RTN4RL1: variants seen among roughly 807,000 people sequenced by gnomAD.
RTN4RL1 encodes the protein reticulon 4 receptor like 1, also known as reticulon-4 receptor-like 1.
A neutral mutation model predicts 25.6 loss-of-function variants in RTN4RL1; 7 were observed. The ratio of observed to expected loss-of-function variants is 0.27; its 90% CI spans 0.16 to 0.51. The LOEUF (loss-of-function observed/expected upper bound fraction) is 0.51, where lower values mean the gene tolerates loss of function less well. Among genes scored for constraint, RTN4RL1 ranks in the 20% least tolerant of loss-of-function variants. RTN4RL1 has a pLI of 0.97. For missense variants in RTN4RL1, 500 were observed against 615.6 expected, an observed-to-expected ratio of 0.81 and a Z score of 1.99; for synonymous variants, 297 against 288.2, an observed-to-expected ratio of 1.03 and a Z score of -0.31.
At chr17:1,970,521 G>A (rs2066814138) in intron 1 of RTN4RL1, among the ~76,000 whole-genome samples, 1 of 152,186 alleles carries the variant, frequency 6.6e-6, no homozygotes, top group African/African-American at 2.4e-5. Context: ...CAGGTTCCAC[G>A]TGGGAAGGGG....
In RTN4RL1 at chr17:1,959,325, A is replaced by G. The variant is rs190368758; in HGVS notation, c.14-21517T>C. The stretch of plus-strand genomic sequence containing the variant: ...ATCTAATAGTGTCTTCTTCATCCTA[A>G]TCTGCTCACCTTGGCAGCACTGGAC... On this transcript the variant is annotated intron_variant, in intron 1 of 1. Coordinates refer to ENST00000331238, the MANE Select transcript of RTN4RL1 (RefSeq NM_178568.4). 5.9e-5 allele frequency among the ~76,000 whole-genome samples: 9 copies of G among 152,222 alleles called. No homozygotes were observed. In the East Asian group the frequency reaches 1.5e-3, roughly 26 times the overall value.
chr17:1,963,521 C>G (rs1374444931), intron 1 of RTN4RL1, among the ~76,000 whole-genome samples: 1 of 152,244 alleles, frequency 6.6e-6, no homozygotes, highest in Non-Finnish European at 1.5e-5. Flanking sequence ...CCTTCAGGGG[C>G]TCCCTGCTGC....
At chr17:1,977,228 C>G (rs1159230672) in intron 1 of RTN4RL1, among the ~76,000 whole-genome samples, 1 of 152,184 alleles carries the variant, frequency 6.6e-6, no homozygotes, top group Non-Finnish European at 1.5e-5. Flanking sequence ...ACGGGCGAGA[C>G]GCTGGGAAGG....
Position 1,950,313 on chromosome 17 carries a change from G to A in RTN4RL1, c.14-12505C>T, listed in dbSNP as rs541478030. 3.9e-5 allele frequency among the ~76,000 whole-genome samples: 6 copies of A among 152,254 alleles called. No homozygotes were observed. The South Asian group carries it at 1.2e-3, about 32-fold the overall frequency. ...GACGGATCAGGGTGAGGGAGGCGAC[G>A]GGGGTCACGGGGCGGCTTCCCAAGT... is the stretch of plus-strand genomic sequence containing the variant. On this transcript the variant is annotated intron_variant, in intron 1 of 1. Coordinates refer to ENST00000331238, the MANE Select transcript of RTN4RL1 (RefSeq NM_178568.4).
chr17:1,967,101 C>A (rs2066794817), intron 1 of RTN4RL1, among the ~76,000 whole-genome samples: 1 of 152,232 alleles, frequency 6.6e-6, no homozygotes, highest in African/African-American at 2.4e-5. Flanking sequence ...GTACAGGTGG[C>A]AACCCAGGAG....
intron 1 of RTN4RL1, among the ~76,000 whole-genome samples, chr17:1,961,606 T>A (rs2066761634): frequency 1.3e-5 from 2 of 151,736 alleles, no homozygotes; most frequent in Non-Finnish European, 2.9e-5. Context: ...TGTCCTAGTG[T>A]GCTCTGGACA....
chr17:1,978,004 CGCACCCCGCATCCT>C (rs1381441988), intron 1 of RTN4RL1, among the ~76,000 whole-genome samples: 7 of 151,482 alleles, frequency 4.6e-5, no homozygotes, highest in Non-Finnish European at 7.4e-5. Context: ...CCCCGGATCC[CGCACCCCGCATCCT>C]GCACCCCGCA....
At chr17:1,999,152 C>G (rs1348789335) in intron 1 of RTN4RL1, among the ~76,000 whole-genome samples, 7 of 150,834 alleles carry the variant, frequency 4.6e-5, no homozygotes, top group Non-Finnish European at 1.0e-4. Context: ...TACACACACA[C>G]ACACACACAC....
At chr17:1,968,208 G>C (rs1181086119) in intron 1 of RTN4RL1, among the ~76,000 whole-genome samples, 1 of 152,064 alleles carries the variant, frequency 6.6e-6, no homozygotes, top group Admixed American at 6.6e-5. Context: ...AGGTCCTCTG[G>C]AATCTCCTGG....
intron 1 of RTN4RL1, among the ~76,000 whole-genome samples, chr17:1,950,570 G>C (rs986303948): frequency 6.6e-6 from 1 of 152,112 alleles, no homozygotes; most frequent in African/African-American, 2.4e-5. Flanking sequence ...GAATGAAGCC[G>C]GGGCAGCAGC....
In RTN4RL1 at chr17:1,991,518, T is replaced by C. The variant is rs9891888; in HGVS notation, c.13+33335A>G. On this transcript the variant is annotated intron_variant, in intron 1 of 1. Transcript: ENST00000331238. Reference sequence around the variant, plus strand: ...GTATACAATAAAAAGTAAGTCTCCTTTCCTCTCCCAGACCTCCAGGCCCCA... The same window carrying C: ...GTATACAATAAAAAGTAAGTCTCCTCTCCTCTCCCAGACCTCCAGGCCCCA... Among the ~76,000 whole-genome samples, 1,505 of 151,848 alleles carry C rather than the reference T, an allele frequency of 9.9e-3. 25 individuals are homozygous for C. The highest frequency in any genetic ancestry group is 0.035 in the African/African-American group (1,450 of 41,364).
At position 2,007,015 on chromosome 17, in the gene RTN4RL1, G is replaced by A. The variant is rs569052658; in HGVS notation, c.13+17838C>T. Among the ~76,000 whole-genome samples, 66 of 152,160 alleles carry A rather than the reference G, an allele frequency of 4.3e-4. No homozygotes were observed. In the Middle Eastern group the frequency reaches 0.017, roughly 39 times the overall value. On this transcript the variant is annotated intron_variant, in intron 1 of 1. Transcript: ENST00000331238. Reference sequence around the variant, plus strand: ...AAAGATGAAGGGTGTGTTACCCACCGTGCTCTACGGAACACATTGGCTGAC... The same window carrying A: ...AAAGATGAAGGGTGTGTTACCCACCATGCTCTACGGAACACATTGGCTGAC...
Position 2,024,954 on chromosome 17 carries a change from A to G in RTN4RL1, c.-89T>C. 5 of 1,401,422 alleles carry G rather than the reference A, an allele frequency of 3.6e-6. No homozygotes were observed. The highest frequency in any genetic ancestry group is 4.9e-6 in the Non-Finnish European group (5 of 1,027,214). The allele number at this position is 1,401,422 out of a possible 1,614,324, so 86.8% of individuals were successfully genotyped here. ...AAATCCCTGGGCGCCAGCTGCAGCTAATCCGAGCGCGTCGAGGCGGGGGCA... is the reference window on the plus strand; with the variant it reads ...AAATCCCTGGGCGCCAGCTGCAGCTGATCCGAGCGCGTCGAGGCGGGGGCA... On this transcript the variant is annotated 5_prime_UTR_variant, in exon 1 of 2. Transcript: ENST00000331238.
At chr17:1,987,097 G>C (rs2066890594) in intron 1 of RTN4RL1, among the ~76,000 whole-genome samples, 2 of 152,190 alleles carry the variant, frequency 1.3e-5, no homozygotes, top group South Asian at 4.1e-4. Flanking sequence ...ACCACCTGTA[G>C]GCAGCCATTT....
intron 1 of RTN4RL1, among the ~76,000 whole-genome samples, chr17:2,002,106 T>C (rs1319791575): frequency 6.6e-6 from 1 of 151,432 alleles, no homozygotes; most frequent in African/African-American, 2.4e-5. Context: ...AAGAAATACA[T>C]ATTTATTACC....
chr17:1,997,940 G>C (rs1450766190), intron 1 of RTN4RL1, among the ~76,000 whole-genome samples: 1 of 152,204 alleles, frequency 6.6e-6, no homozygotes, highest in African/African-American at 2.4e-5. Flanking sequence ...GCCTTCTGGG[G>C]AAAGCGTGGG....
chr17:2,015,025 A>AGGGCACT (rs2067102231), intron 1 of RTN4RL1, among the ~76,000 whole-genome samples: 1 of 152,148 alleles, frequency 6.6e-6, no homozygotes, highest in Admixed American at 6.6e-5. Flanking sequence ...ACAAGGGCAC[A>AGGGCACT]GGGCACTGTG....
chr17:1,934,931 C>G lies in RTN4RL1; in HGVS notation c.*1565G>C, dbSNP rs963804348. 1 of 152,454 alleles carries G rather than the reference C, an allele frequency of 6.6e-6. No homozygotes were observed. Among genetic ancestry groups the G allele is most frequent in the African/African-American group, 2.4e-5 (1 of 41,456 alleles). The allele number at this position is 152,454 out of a possible 1,614,324, so 9.4% of individuals were successfully genotyped here. A position where few individuals can be genotyped will look rare whatever the true frequency, so the allele number is the denominator to read the frequency against. On this transcript the variant is annotated 3_prime_UTR_variant, in exon 2 of 2. Coordinates refer to ENST00000331238, the MANE Select transcript of RTN4RL1 (RefSeq NM_178568.4). This position sits in a 1 kb window ranked among gnomAD's most constrained non-coding sequence, Gnocchi z 4.0. ...CGGCCTCCCGAGCCTCTGCCTGCAC[C>G]CTGAGCATCCCCAGGACGGCTGGGA...
intron 1 of RTN4RL1, among the ~76,000 whole-genome samples, chr17:1,999,007 G>A (rs2066943262): frequency 6.6e-6 from 1 of 151,942 alleles, no homozygotes; most frequent in African/African-American, 2.4e-5. Context: ...TCACACACAG[G>A]GCGGGGACCA....
Sources: allele counts gnomAD v4.1 joint callset (sites outside exome capture counted in the v4.1 genomes callset), GRCh38; gene constraint gnomAD v4.1.1; non-coding constraint Gnocchi (gnomAD v3.1); transcripts MANE v1.5; gene names NCBI Gene and HGNC (gene_info 2026-07-23, HGNC 2026-07-21).